The following PRKDC variants were observed in gnomAD, a reference collection of about 807,000 sequenced individuals.
PRKDC encodes protein kinase, DNA-activated, catalytic subunit, also known as DNA-dependent protein kinase catalytic subunit.
A neutral mutation model predicts 486.9 loss-of-function variants in PRKDC; 82 were observed. The ratio of observed to expected loss-of-function variants is 0.17; its 90% confidence interval spans 0.14 to 0.20. The LOEUF (loss-of-function observed/expected upper bound fraction) is 0.20, where lower values mean the gene tolerates loss of function less well. Among genes scored for constraint, PRKDC ranks in the 10% least tolerant of loss-of-function variants. The pLI is 1.00. For synonymous variants in PRKDC, 1,895 were observed against 1,837.0 expected (o/e 1.03, Z -0.81); for missense variants, 4,504 against 5,038.2 (o/e 0.89, Z 3.21).
At chr8:47,792,663 A>G (rs2086901462) in intron 74 of PRKDC, among the ~76,000 whole-genome samples, 1 of 152,210 alleles carries the variant, frequency 6.6e-6, no homozygotes, top group South Asian at 2.1e-4. Flanking sequence ...TGGATACTCC[A>G]CTTACCCTGA....
intron 25 of PRKDC, among the ~76,000 whole-genome samples, chr8:47,906,038 C>T (rs890229927): frequency 2.0e-5 from 3 of 152,186 alleles, no homozygotes; most frequent in African/African-American, 7.2e-5. Flanking sequence ...ACAGATCTAA[C>T]CCTCATTATA....
intron 32 of PRKDC, among the ~76,000 whole-genome samples, chr8:47,889,454 C>G (rs2089409734): frequency 6.6e-6 from 1 of 152,234 alleles, no homozygotes; most frequent in South Asian, 2.1e-4. Flanking sequence ...GACAGAGGCG[C>G]ACAGCCATGC....
intron 21 of PRKDC, 70 bp from the exon 22 acceptor site, chr8:47,918,453 C>T (rs2090023758): frequency 2.4e-6 from 2 of 817,180 alleles, no homozygotes; most frequent in Non-Finnish European, 1.8e-6. Flanking sequence ...TTAGAGGCAA[C>T]AAACTATATT....
At chr8:47,883,429 C>A (rs1203567181) in intron 36 of PRKDC, among the ~76,000 whole-genome samples, 2 of 152,136 alleles carry the variant, frequency 1.3e-5, no homozygotes, top group African/African-American at 4.8e-5. Flanking sequence ...CTGGACACTC[C>A]ATGGCCCTCT....
chr8:47,780,180 G>A (rs1362951744), intron 80 of PRKDC, among the ~76,000 whole-genome samples: 2 of 152,172 alleles, frequency 1.3e-5, no homozygotes, highest in African/African-American at 4.8e-5. Context: ...CTCCCAAAGT[G>A]CTGGGATTAC....
chr8:47,777,058 G>A, intron 84 of PRKDC, 75 bp from the exon 85 acceptor site: 2 of 1,503,364 alleles, frequency 1.3e-6, no homozygotes, highest in South Asian at 1.3e-5. Flanking sequence ...ATTAAATCTA[G>A]TAATGATCTT....
intron 85 of PRKDC, among the ~76,000 whole-genome samples, chr8:47,774,591 T>A (rs1205992446): frequency 3.9e-5 from 6 of 152,122 alleles, no homozygotes; most frequent in Admixed American, 3.9e-4. Flanking sequence ...CCTTCACTTC[T>A]CCTGAGTGAA....
chr8:47,944,252 G>A (rs1157522906), intron 7 of PRKDC, among the ~76,000 whole-genome samples: 1 of 152,122 alleles, frequency 6.6e-6, no homozygotes, highest in Non-Finnish European at 1.5e-5. Flanking sequence ...CATGGTTTAA[G>A]CACCAACCTA....
intron 54 of PRKDC, among the ~76,000 whole-genome samples, chr8:47,843,100 G>A (rs10108319): frequency 0.015 from 2,238 of 152,240 alleles, 63 homozygotes; most frequent in African/African-American, 0.05. Context: ...GAGAGGTCGA[G>A]GCTGCAGCAG....
At chr8:47,791,410 G>A (rs1186668894) in intron 74 of PRKDC, among the ~76,000 whole-genome samples, 1 of 152,170 alleles carries the variant, frequency 6.6e-6, no homozygotes, top group Non-Finnish European at 1.5e-5. Flanking sequence ...GGGAGGCGCA[G>A]GTTGCAGTGA....
intron 11 of PRKDC, among the ~76,000 whole-genome samples, chr8:47,937,795 A>G (rs2090377779): frequency 6.6e-6 from 1 of 152,224 alleles, no homozygotes; most frequent in African/African-American, 2.4e-5. Context: ...AAAGTCGCCA[A>G]CAGAGACAAA....
At chr8:47,897,866 C>T (rs142369280) in intron 29 of PRKDC, among the ~76,000 whole-genome samples, 1 of 152,344 alleles carries the variant, frequency 6.6e-6, no homozygotes, top group African/African-American at 2.4e-5. Flanking sequence ...CCACATGGGA[C>T]TGTGCTTCTC....
At chr8:47,853,476 C>T (rs2088462545) in intron 51 of PRKDC, among the ~76,000 whole-genome samples, 1 of 152,156 alleles carries the variant, frequency 6.6e-6, no homozygotes, top group South Asian at 2.1e-4. Flanking sequence ...CTTCACAACC[C>T]TCAGGAGCAG....
intron 85 of PRKDC, among the ~76,000 whole-genome samples, chr8:47,776,017 T>G (rs1216077829): frequency 6.6e-6 from 1 of 152,020 alleles, no homozygotes; most frequent in Non-Finnish European, 1.5e-5. Context: ...AGAGATGGGG[T>G]TTCACCTTGA....
At chr8:47,798,753 A>G (rs2087032965) in intron 72 of PRKDC, among the ~76,000 whole-genome samples, 1 of 152,228 alleles carries the variant, frequency 6.6e-6, no homozygotes, top group African/African-American at 2.4e-5. Context: ...AAATGGAAAC[A>G]GAGGACCACT....
intron 17 of PRKDC, 133 bp from the exon 18 acceptor site, chr8:47,930,145 A>G (rs2090226193): frequency 2.2e-5 from 16 of 722,734 alleles, no homozygotes; most frequent in East Asian, 1.4e-4. Context: ...ATGTTTAGTT[A>G]TATCTATAAT....
chr8:47,946,920 G>C (rs912470700), intron 7 of PRKDC, among the ~76,000 whole-genome samples: 1 of 152,112 alleles, frequency 6.6e-6, no homozygotes, highest in African/African-American at 2.4e-5. Context: ...CCCAACAGCA[G>C]TCAGGCAGAC....
chr8:47,782,541 C>T lies in PRKDC; in HGVS notation c.11233G>A (p.Glu3745Lys), dbSNP rs866939540. 1 of 1,574,802 alleles carries T rather than the reference C, an allele frequency of 6.3e-7. No individual in the cohort carries two copies. The highest frequency in any genetic ancestry group is 8.6e-7 in the Non-Finnish European group (1 of 1,160,390). The part of the protein sequence containing the change: ...PKRIIIRGHD[E>K]REHPFLVKGG... ...TTCACCAGGAAAGGGTGTTCCCTCT[C>T]GTCATGGCCACGGATGATGATGCGC... Residue 3745 changes from glutamate to lysine, a missense_variant, in exon 79 of 86, where the codon GAG becomes AAG. Physicochemically the swap from Glu to Lys is moderately conservative, Grantham distance 56 (BLOSUM62 1). This residue lies in a region of PRKDC where 706 missense variants were observed against 945.0 expected (regional missense o/e 0.75). Transcript: ENST00000314191. This position sits in a 1 kb window ranked among gnomAD's most constrained non-coding sequence, Gnocchi z 4.9.
At chr8:47,814,104 T>C (rs2087390806) in intron 68 of PRKDC, among the ~76,000 whole-genome samples, 1 of 152,178 alleles carries the variant, frequency 6.6e-6, no homozygotes, top group South Asian at 2.1e-4. Flanking sequence ...TAATACTTCA[T>C]AAACACAATA....
Sources: gnomAD v4.1 joint callset for allele counts (sites outside exome capture counted in the v4.1 genomes callset) on GRCh38, gnomAD v4.1.1 for gene constraint, gnomAD v4.1.1 regional missense constraint, Gnocchi (gnomAD v3.1) non-coding constraint, MANE v1.5 for transcripts, NCBI Gene and HGNC (gene_info 2026-07-23, HGNC 2026-07-21) for gene names.